FGD5: variants seen among roughly 807,000 people sequenced by gnomAD.
The protein encoded by FGD5 is FYVE, RhoGEF and PH domain-containing protein 5.
In FGD5, 28 loss-of-function variants were observed where a neutral mutation model predicts 133.4. The observed-to-expected ratio is 0.21, with a 90% CI of 0.16 to 0.29. FGD5 has a LOEUF of 0.29. Among genes scored for constraint, FGD5 ranks in the 10% least tolerant of loss-of-function variants. The probability of loss-of-function intolerance (pLI) is 1.00; values close to 1 mark genes in which losing one functional copy is unlikely to be tolerated. For synonymous variants in FGD5, 810 were observed against 776.5 expected, an observed-to-expected ratio of 1.04 and a Z score of -0.72; for missense variants, 1,858 against 1,895.2, an observed-to-expected ratio of 0.98 and a Z score of 0.36.
At chr3:14,888,065 G>T (rs2037957842) in intron 4 of FGD5, among the ~76,000 whole-genome samples, 1 of 151,780 alleles carries the variant, frequency 6.6e-6, no homozygotes, top group South Asian at 2.1e-4. Context: ...AGCTACTTGG[G>T]AGGCTGAGGT....
chr3:14,833,599 G>C (rs954458693), intron 1 of FGD5, among the ~76,000 whole-genome samples: 2 of 152,054 alleles, frequency 1.3e-5, no homozygotes, highest in Non-Finnish European at 2.9e-5. Context: ...GTCATTTTTG[G>C]CTGGCAGATA....
intron 1 of FGD5, among the ~76,000 whole-genome samples, chr3:14,825,676 T>C (rs1191882896): frequency 4.6e-5 from 7 of 152,086 alleles, no homozygotes; most frequent in Admixed American, 3.9e-4. Context: ...AATGTATCCC[T>C]GAAGCATTCT....
chr3:14,849,567 G>C (rs2125092596), intron 1 of FGD5, among the ~76,000 whole-genome samples: 1 of 152,326 alleles, frequency 6.6e-6, no homozygotes, highest in South Asian at 2.1e-4. Context: ...ACCTCACTAA[G>C]TGGTTGAAAG....
At chr3:14,920,890 AG>A (rs2038666828) in intron 13 of FGD5, among the ~76,000 whole-genome samples, 1 of 152,240 alleles carries the variant, frequency 6.6e-6, no homozygotes, top group Non-Finnish European at 1.5e-5. Context: ...GGAAACCCAA[AG>A]GAGGGACTGC....
At chr3:14,844,211 A>T (rs867816421) in intron 1 of FGD5, among the ~76,000 whole-genome samples, 30 of 41,410 alleles carry the variant, frequency 7.2e-4, no homozygotes, top group Non-Finnish European at 1.2e-3. Flanking sequence ...CATTAAAAAA[A>T]AAAAAAATAT....
At chr3:14,884,206 TC>T (rs1341693023) in intron 4 of FGD5, among the ~76,000 whole-genome samples, 1 of 152,184 alleles carries the variant, frequency 6.6e-6, no homozygotes, top group African/African-American at 2.4e-5. Flanking sequence ...CTCTGTTTTT[TC>T]ATCTAAAACA....
chr3:14,925,583 C>A (rs940064953), intron 17 of FGD5, among the ~76,000 whole-genome samples: 1 of 152,110 alleles, frequency 6.6e-6, no homozygotes, highest in Non-Finnish European at 1.5e-5. Flanking sequence ...AATACTACTA[C>A]CCCCCGCCAC....
At chr3:14,854,638 A>G (rs1413516207) in intron 1 of FGD5, among the ~76,000 whole-genome samples, 2 of 151,970 alleles carry the variant, frequency 1.3e-5, no homozygotes, top group African/African-American at 2.4e-5. Flanking sequence ...GGCTGATCTC[A>G]AAGACTCCTG....
Position 14,820,803 on chromosome 3 carries a change from A to G in FGD5, c.1732A>G (p.Arg578Gly). Residue 578 changes from arginine to glycine, a missense_variant, in exon 1 of 20, where the codon AGG (arginine) becomes GGG (glycine). Coordinates refer to ENST00000285046, the MANE Select transcript of FGD5 (RefSeq NM_152536.4). ...AGGGTTGGATGACCACAGGATAAAG[A>G]GGAAAGAGGACAATCTCTCTCTGTC... ...GSGLDDHRIK[R>G]KEDNLSLSCV... 2 of 1,613,866 alleles carry G rather than the reference A, an allele frequency of 1.2e-6. No individual in the cohort carries two copies.
chr3:14,927,553 C>CAGTA lies in FGD5; in HGVS notation c.4197+1356_4197+1357insGTAA, dbSNP rs111579379. Among the ~76,000 whole-genome samples, 4 of 152,020 alleles carry CAGTA rather than the reference C, an allele frequency of 2.6e-5. No individual in the cohort carries two copies. The East Asian group carries it at 7.7e-4, about 29-fold the overall frequency. ...AGAAAGAGGAATTTACATAATTTCT[C>CAGTA]AACCTGTTCCAGCGATGGAATAAAG... On this transcript the variant is annotated intron_variant, in intron 18 of 19. Coordinates refer to ENST00000285046, the MANE Select transcript of FGD5 (RefSeq NM_152536.4).
chr3:14,880,892 C>G, intron 4 of FGD5, 120 bp downstream of exon 4: 1 of 1,300,400 alleles, frequency 7.7e-7, no homozygotes. Context: ...TGGCAGCAGG[C>G]AGGCACTCAC....
upstream of FGD5, among the ~76,000 whole-genome samples, chr3:14,816,139 G>C (rs1258987568): frequency 6.6e-6 from 1 of 152,204 alleles, no homozygotes; most frequent in Non-Finnish European, 1.5e-5. Flanking sequence ...CAGATCAATA[G>C]CTTGATTGGA....
intron 1 of FGD5, among the ~76,000 whole-genome samples, chr3:14,846,591 A>T (rs1400854540): frequency 1.3e-5 from 2 of 152,164 alleles, no homozygotes; most frequent in Non-Finnish European, 2.9e-5. Flanking sequence ...TCCACGGGGG[A>T]GTTGCCTGAC....
chr3:14,932,765 T>G, intron 19 of FGD5, 34 bp downstream of exon 19: 1 of 1,598,590 alleles, frequency 6.3e-7, no homozygotes. Context: ...TATAGCTTTT[T>G]GTTCTCTCAG....
Position 14,819,993 on chromosome 3 carries a change from G to A in FGD5, c.922G>A (p.Ala308Thr), listed in dbSNP as rs374676376. Residue 308 changes from alanine to threonine, a missense_variant, in exon 1 of 20, where the codon GCA becomes ACA. By Grantham distance (58) the Ala-to-Thr change is moderately conservative. This residue lies in a region of FGD5 where 1,824 missense variants were observed against 1,848.9 expected (regional missense o/e 0.99). Coordinates refer to ENST00000285046, the MANE Select transcript of FGD5 (RefSeq NM_152536.4). This position sits in a 1 kb window ranked among gnomAD's most constrained non-coding sequence, Gnocchi z 4.1. ...CGAGAAGAAAACCAACCAAGAAGTG[G>A]CAGCCGCCACCCTGGAGGACCATGC... ...DHEKKTNQEV[A>T]AATLEDHAQD... is the part of the protein sequence containing the mutation. 1 of 1,613,746 alleles carries A rather than the reference G, an allele frequency of 6.2e-7. No homozygotes were observed. Among genetic ancestry groups the A allele is most frequent in the African/African-American group, 1.3e-5 (1 of 74,886 alleles).
intron 1 of FGD5, among the ~76,000 whole-genome samples, chr3:14,854,444 C>G: frequency 7.7e-6 from 1 of 129,078 alleles, no homozygotes; most frequent in African/African-American, 2.8e-5. Context: ...TTGAGACGAG[C>G]TCACTCTGTC....
chr3:14,820,894 C>T lies in FGD5; in HGVS notation c.1823C>T (p.Thr608Met), dbSNP rs201649366. 86 of 1,613,818 alleles carry T rather than the reference C, an allele frequency of 5.3e-5. No homozygotes were observed. Among genetic ancestry groups the T allele is most frequent in the South Asian group, 2.1e-4 (19 of 91,062 alleles). Reference sequence around the variant, plus strand: ...CACCTTCCGTCCAGCGGCACCTCCACGCCTTCTTCCATGGTCGACATCCCA... The same window carrying T: ...CACCTTCCGTCCAGCGGCACCTCCATGCCTTCTTCCATGGTCGACATCCCA... ...RNHLPSSGTS[T>M]PSSMVDIPPP... Residue 608 changes from threonine to methionine, a missense_variant, in exon 1 of 20, where the codon ACG becomes ATG. Physicochemically the swap from Thr to Met is moderately conservative, Grantham distance 81. Coordinates refer to ENST00000285046, the MANE Select transcript of FGD5 (RefSeq NM_152536.4).
chr3:14,879,879 C>G (rs1357990149), intron 2 of FGD5, among the ~76,000 whole-genome samples: 4 of 152,198 alleles, frequency 2.6e-5, no homozygotes, highest in South Asian at 2.1e-4. Context: ...TGTACAAAAG[C>G]AAGAGAAAAG....
At chr3:14,868,295 G>A (rs1251381160) in intron 2 of FGD5, among the ~76,000 whole-genome samples, 1 of 151,004 alleles carries the variant, frequency 6.6e-6, no homozygotes, top group African/African-American at 2.4e-5. Flanking sequence ...TGAGTCTCAT[G>A]GCCACATTTG....
Sources: gnomAD v4.1 joint callset for allele counts (sites outside exome capture counted in the v4.1 genomes callset) on GRCh38, gnomAD v4.1.1 for gene constraint, gnomAD v4.1.1 regional missense constraint, Gnocchi (gnomAD v3.1) non-coding constraint, MANE v1.5 for transcripts, NCBI Gene and HGNC (gene_info 2026-07-23, HGNC 2026-07-21) for gene names.